The following RP1 variants were observed in gnomAD, a reference collection of about 807,000 sequenced individuals.
RP1 encodes the protein RP1 axonemal microtubule associated.
RP1 carries 16 observed loss-of-function variants against 14.8 expected under a neutral mutation model. That is an observed-to-expected ratio of 1.08 (90% CI 0.73 to 1.65). RP1 has a LOEUF of 1.65. Among genes scored for constraint, RP1 ranks in the 40% most tolerant of loss-of-function variants. RP1 has a pLI of 0.00. For synonymous variants in RP1, 876 were observed against 883.6 expected (o/e 0.99, Z 0.15); for missense variants, 2,631 against 2,535.0 (o/e 1.04, Z -0.81).
intron 1 of RP1, among the ~76,000 whole-genome samples, chr8:54,598,247 C>T (rs1805197335): frequency 6.6e-6 from 1 of 152,054 alleles, no homozygotes; most frequent in Admixed American, 6.6e-5. Flanking sequence ...AATACTTTAA[C>T]ATATTTTAGA....
At chr8:54,698,347 C>T (rs1807924040) in intron 12 of RP1, among the ~76,000 whole-genome samples, 1 of 152,138 alleles carries the variant, frequency 6.6e-6, no homozygotes. Context: ...ATACCACCTC[C>T]AGCCAGTTAG....
chr8:54,651,104 T>A (rs1167669038), intron 4 of RP1, among the ~76,000 whole-genome samples: 3 of 152,148 alleles, frequency 2.0e-5, no homozygotes, highest in Non-Finnish European at 1.5e-5. Context: ...TATATTAGAT[T>A]GATATTTGTA....
chr8:54,655,499 G>T (rs1806736726), intron 5 of RP1, among the ~76,000 whole-genome samples: 1 of 152,058 alleles, frequency 6.6e-6, no homozygotes, highest in Non-Finnish European at 1.5e-5. Context: ...GGATCCAAAG[G>T]GGGAACCATA....
intron 24 of RP1, among the ~76,000 whole-genome samples, chr8:54,803,716 T>G (rs1002300883): frequency 6.6e-6 from 1 of 152,236 alleles, no homozygotes; most frequent in Non-Finnish European, 1.5e-5. Flanking sequence ...TATGGGAATA[T>G]ACGCATATTC....
exon 16 of RP1, chr8:54,720,299 C>A: frequency 1.3e-6 from 2 of 1,534,480 alleles, no homozygotes; most frequent in South Asian, 2.4e-5. Context: ...ATCCACAAGT[C>A]ATCCAATGTA....
At chr8:54,708,528 T>G (rs1167250420) in intron 15 of RP1, among the ~76,000 whole-genome samples, 1 of 151,984 alleles carries the variant, frequency 6.6e-6, no homozygotes, top group South Asian at 2.1e-4. Flanking sequence ...TAAATTTTTG[T>G]GTTTGTATTT....
At chr8:54,863,168 T>G (rs536217613) in intron 27 of RP1, among the ~76,000 whole-genome samples, 380 of 150,968 alleles carry the variant, frequency 2.5e-3, no homozygotes, top group African/African-American at 8.7e-3. Flanking sequence ...AGTTGAAAAA[T>G]TCCTATCACC....
chr8:54,629,604 G>A lies in RP1; in HGVS notation c.5722G>A (p.Asp1908Asn). ...TACACTTCAGGAAGCTGACTCTTTGGATAAACTGTATGCTCTTTGTGGTCA... is the reference window on the plus strand; with the variant it reads ...TACACTTCAGGAAGCTGACTCTTTGAATAAACTGTATGCTCTTTGTGGTCA... ...HGTLQEADSL[D>N]KLYALCGQHC... Residue 1908 changes from aspartate to asparagine, a missense_variant, in exon 4 of 4, where the codon GAT becomes AAT. Transcript: ENST00000220676. The A allele has an allele frequency of 6.2e-7, 1 of 1,613,866 alleles. No individual in the cohort carries two copies. The highest frequency in any genetic ancestry group is 8.5e-7 in the Non-Finnish European group (1 of 1,179,982).
At chr8:54,657,261 G>A (rs1806775398) in intron 6 of RP1, among the ~76,000 whole-genome samples, 1 of 152,060 alleles carries the variant, frequency 6.6e-6, no homozygotes, top group South Asian at 2.1e-4. Flanking sequence ...CCCATTGTTA[G>A]TAACAATGCA....
intron 24 of RP1, among the ~76,000 whole-genome samples, chr8:54,824,094 C>G (rs1192983558): frequency 2.0e-5 from 3 of 151,466 alleles, no homozygotes; most frequent in African/African-American, 7.3e-5. Context: ...TAAAATATCT[C>G]TATATCATTT....
intron 27 of RP1, among the ~76,000 whole-genome samples, chr8:54,863,829 T>C (rs935445985): frequency 2.6e-5 from 4 of 152,222 alleles, no homozygotes; most frequent in Non-Finnish European, 5.9e-5. Context: ...AATCACTATG[T>C]GGATAACAGA....
chr8:54,712,823 CG>C (rs150679364), intron 15 of RP1, among the ~76,000 whole-genome samples: 4,328 of 152,200 alleles, frequency 0.028, 121 homozygotes, highest in African/African-American at 0.063. Context: ...TACATAACAA[CG>C]AAGCATATTA....
At position 54,824,737 on chromosome 8, in the gene RP1, G is replaced by A. The variant is rs943250642; in HGVS notation, c.3616-12713G>A. On this transcript the variant is annotated intron_variant, in intron 24 of 28. Transcript: ENST00000637698. ...ACCGTGACCAAGTAAGATTTATCCA[G>A]GCATACAAGTTTGCTTAAACATTTG... is the stretch of plus-strand genomic sequence containing the variant. Among the ~76,000 whole-genome samples, 6 of 152,062 alleles carry A rather than the reference G, an allele frequency of 3.9e-5. 1 individual carries two copies. Among genetic ancestry groups the A allele is most frequent in the Non-Finnish European group, 7.4e-5 (5 of 68,022 alleles).
intron 26 of RP1, among the ~76,000 whole-genome samples, chr8:54,856,698 C>G (rs1812206580): frequency 6.6e-6 from 1 of 152,122 alleles, no homozygotes; most frequent in Non-Finnish European, 1.5e-5. Context: ...ATATGAAAAA[C>G]ACTTGAGAGA....
intron 15 of RP1, among the ~76,000 whole-genome samples, chr8:54,711,764 T>A (rs1808298069): frequency 6.6e-6 from 1 of 152,170 alleles, no homozygotes; most frequent in African/African-American, 2.4e-5. Flanking sequence ...ATTGTAAATG[T>A]AGGAGACAAA....
Position 54,627,263 on chromosome 8 carries a change from T to A in RP1, c.3381T>A (p.Asn1127Lys), listed in dbSNP as rs1806086282. The A allele has an allele frequency of 6.2e-7, 1 of 1,614,074 alleles. No homozygotes were observed. Among genetic ancestry groups the A allele is most frequent in the Non-Finnish European group, 8.5e-7 (1 of 1,179,982 alleles). The change falls in exon 4 of 4, where the codon AAT becomes AAA. Residue 1127 changes from asparagine (N) to lysine (K), a missense_variant. Physicochemically the swap from Asn to Lys is moderately conservative, Grantham distance 94. Coordinates refer to ENST00000220676, the MANE Select transcript of RP1 (RefSeq NM_006269.2). ...FHSAICNSSTNLLLAWLLVLN... is the reference protein window; with the variant it reads ...FHSAICNSSTKLLLAWLLVLN... ...CTGCAATATGTAATTCATCCACTAA[T>A]CTCCTTCTAGCTTGGCTCTTGGTGC... is the stretch of plus-strand genomic sequence containing the variant.
At chr8:54,700,072 A>G (rs1807976085) in intron 13 of RP1, among the ~76,000 whole-genome samples, 1 of 152,158 alleles carries the variant, frequency 6.6e-6, no homozygotes, top group Non-Finnish European at 1.5e-5. Context: ...ATTTGTATTT[A>G]ACAGAAGAGG....
In RP1 at chr8:54,653,030, CTTAA is replaced by C. The variant is rs1806687811; in HGVS notation, c.1038+167_1038+170del. On this transcript the variant is annotated intron_variant, in intron 5 of 22. Coordinates refer to the RP1 transcript ENST00000636932. ...ATATGCCCTTAATAATTAATTAATT[CTTAA>C]TTGATTGAGGGAGGCACCTTAACCA... Among the ~76,000 whole-genome samples, 3 of 152,116 alleles carry C rather than the reference CTTAA, an allele frequency of 2.0e-5. No homozygotes were observed. The South Asian group carries it at 6.2e-4, about 32-fold the overall frequency.
At chr8:54,780,721 G>T (rs1460502651) in intron 23 of RP1, among the ~76,000 whole-genome samples, 1 of 152,150 alleles carries the variant, frequency 6.6e-6, no homozygotes, top group Non-Finnish European at 1.5e-5. Flanking sequence ...AAAAGGATGT[G>T]TGTATGTTAT....
Sources: gnomAD v4.1 joint callset for allele counts (sites outside exome capture counted in the v4.1 genomes callset) on GRCh38, gnomAD v4.1.1 for gene constraint, MANE v1.5 for transcripts, NCBI Gene and HGNC (gene_info 2026-07-23, HGNC 2026-07-21) for gene names.